Variants in ZFHX3 observed in about 807,000 individuals in gnomAD.
The protein encoded by ZFHX3 is zinc finger homeobox protein 3.
Under a neutral mutation model 279.1 loss-of-function variants are expected in ZFHX3, and 42 were observed. The ratio of observed to expected loss-of-function variants is 0.15; its 90% CI spans 0.12 to 0.19. The LOEUF (loss-of-function observed/expected upper bound fraction) is 0.19. Among genes scored for constraint, ZFHX3 ranks in the 10% least tolerant of loss-of-function variants. The probability of loss-of-function intolerance (pLI) is 1.00; values close to 1 mark genes in which losing one functional copy is unlikely to be tolerated. For synonymous variants in ZFHX3, 2,293 were observed against 1,957.8 expected (o/e 1.17, Z -4.52); for missense variants, 4,981 against 4,754.0 (o/e 1.05, Z -1.40).
intron 3 of ZFHX3, among the ~76,000 whole-genome samples, chr16:73,371,607 G>A (rs8063705): frequency 1.3e-5 from 2 of 151,776 alleles, no homozygotes; most frequent in Non-Finnish European, 2.9e-5. Context: ...CTGGTGCACC[G>A]GGTGTACCCC....
intron 1 of ZFHX3, among the ~76,000 whole-genome samples, chr16:73,807,816 T>C (rs1960321930): frequency 6.6e-6 from 1 of 151,634 alleles, no homozygotes; most frequent in Non-Finnish European, 1.5e-5. Context: ...ACCCACCCAT[T>C]CACGCGGGAC....
At chr16:73,310,638 A>G (rs566193423) in intron 4 of ZFHX3, among the ~76,000 whole-genome samples, 30 of 152,346 alleles carry the variant, frequency 2.0e-4, no homozygotes, top group Non-Finnish European at 4.3e-4. Flanking sequence ...ACAACAACGA[A>G]TTATCCAGTC....
At chr16:73,765,485 T>C (rs2053922052) in intron 1 of ZFHX3, among the ~76,000 whole-genome samples, 1 of 152,202 alleles carries the variant, frequency 6.6e-6, no homozygotes, top group Non-Finnish European at 1.5e-5. Context: ...ATAGAAAGAA[T>C]TGTGAGGCTA....
Position 72,795,852 on chromosome 16 carries a change from T to A in ZFHX3, c.6830A>T (p.Asn2277Ile). 1 of 1,614,190 alleles carries A rather than the reference T, an allele frequency of 6.2e-7. No individual in the cohort carries two copies. Among genetic ancestry groups the A allele is most frequent in the Non-Finnish European group, 8.5e-7 (1 of 1,180,026 alleles). The change falls in exon 9 of 10, where the codon AAT (asparagine) becomes ATT (isoleucine). Residue 2277 changes from asparagine to isoleucine, a missense_variant. This residue lies in a region of ZFHX3 where 177 missense variants were observed against 244.2 expected (regional missense o/e 0.72). Coordinates refer to ENST00000268489, the MANE Select transcript of ZFHX3 (RefSeq NM_006885.4). ...CACTCGGGTTGGAAGGTTCAGTAAA[T>A]TAGAGAGTTGCTCAAATTCATCATC... The part of the protein sequence containing the change: ...PKDDEFEQLS[N>I]LLNLPTRVIV...
chr16:72,992,830 C>A (rs1275358535), intron 1 of ZFHX3, among the ~76,000 whole-genome samples: 1 of 152,176 alleles, frequency 6.6e-6, no homozygotes, highest in African/African-American at 2.4e-5. Context: ...AAAGAGCCTT[C>A]GAGGGGCATC....
chr16:73,234,331 TA>T (rs1195751284), intron 5 of ZFHX3, among the ~76,000 whole-genome samples: 1 of 152,196 alleles, frequency 6.6e-6, no homozygotes, highest in Non-Finnish European at 1.5e-5. Context: ...TCACAATCAG[TA>T]AATGGCTGTC....
At chr16:73,077,475 A>G (rs186409266) in intron 8 of ZFHX3, among the ~76,000 whole-genome samples, 1 of 152,156 alleles carries the variant, frequency 6.6e-6, no homozygotes, top group Non-Finnish European at 1.5e-5. Flanking sequence ...GTTGTTAAAA[A>G]TGAAGTGACT....
At chr16:72,875,970 T>G (rs2038300871) in intron 4 of ZFHX3, among the ~76,000 whole-genome samples, 1 of 152,190 alleles carries the variant, frequency 6.6e-6, no homozygotes, top group Admixed American at 6.5e-5. Flanking sequence ...ATTGAATTAA[T>G]GTTGAAATGA....
chr16:72,843,366 C>T (rs918248465), intron 4 of ZFHX3, among the ~76,000 whole-genome samples: 2 of 151,948 alleles, frequency 1.3e-5, no homozygotes, highest in African/African-American at 4.8e-5. Context: ...AAAAAATTAG[C>T]CGGGCGTGGT....
intron 5 of ZFHX3, among the ~76,000 whole-genome samples, chr16:73,221,269 A>C (rs1483757958): frequency 3.3e-5 from 5 of 152,194 alleles, no homozygotes; most frequent in Admixed American, 3.3e-4. Context: ...GTAAACTGCA[A>C]AAAAATACAA....
chr16:73,193,387 C>G (rs1281592009), intron 5 of ZFHX3, among the ~76,000 whole-genome samples: 1 of 152,154 alleles, frequency 6.6e-6, no homozygotes, highest in Non-Finnish European at 1.5e-5. Context: ...GGTGAACTGC[C>G]AACAGAAAGT....
chr16:72,925,610 G>A (rs745755144), intron 3 of ZFHX3, among the ~76,000 whole-genome samples: 1 of 152,240 alleles, frequency 6.6e-6, no homozygotes, highest in East Asian at 1.9e-4. Flanking sequence ...CCCGTCCCGT[G>A]TCTTTCCCTT....
chr16:73,716,654 TGCAC>T (rs2053419112), intron 1 of ZFHX3, among the ~76,000 whole-genome samples: 1 of 92,938 alleles, frequency 1.1e-5, no homozygotes, highest in Non-Finnish European at 2.5e-5. Flanking sequence ...CACACACGCA[TGCAC>T]GCACGCACAG....
At position 72,796,953 on chromosome 16, in the gene ZFHX3, G is replaced by C. The variant is rs146727119; in HGVS notation, c.5729C>G (p.Pro1910Arg). The change falls in exon 9 of 10, where the codon CCA (proline) becomes CGA (arginine). Residue 1910 changes from proline to arginine, a missense_variant. Pro to Arg is a moderately radical substitution (Grantham distance 103, BLOSUM62 -2). Transcript: ENST00000268489. ...EGNTGPKETL[P>R]DALKAKEKKE... ...CTTCTCTTTGGCCTTCAAGGCATCT[G>C]GCAGTGTTTCCTTCGGACCGGTGTT... The C allele has an allele frequency of 6.2e-6, 10 of 1,613,868 alleles. No individual in the cohort carries two copies. The highest frequency in any genetic ancestry group is 1.7e-5 in the Admixed American group (1 of 59,986).
intron 3 of ZFHX3, among the ~76,000 whole-genome samples, chr16:73,343,701 A>C (rs188927181): frequency 7.2e-5 from 11 of 152,208 alleles, no homozygotes; most frequent in African/African-American, 2.7e-4. Context: ...CCTGGGCAAC[A>C]GAGTGAGATC....
intron 1 of ZFHX3, among the ~76,000 whole-genome samples, chr16:73,814,855 T>C (rs1167800285): frequency 6.6e-6 from 1 of 152,002 alleles, no homozygotes; most frequent in Non-Finnish European, 1.5e-5. Context: ...GGAGTGAGCC[T>C]TTCACACCCA....
intron 4 of ZFHX3, among the ~76,000 whole-genome samples, chr16:72,849,463 G>A (rs888132045): frequency 2.6e-5 from 4 of 151,966 alleles, no homozygotes; most frequent in Non-Finnish European, 4.4e-5. Context: ...ATGAGGCCAC[G>A]ATCCTGCCAA....
intron 8 of ZFHX3, among the ~76,000 whole-genome samples, chr16:73,070,296 G>A (rs573784478): frequency 3.9e-5 from 6 of 152,092 alleles, no homozygotes; most frequent in South Asian, 2.1e-4. Context: ...AACTGCGGCC[G>A]TGCAATTCAT....
intron 4 of ZFHX3, among the ~76,000 whole-genome samples, chr16:73,285,088 ATTC>A (rs1215479925): frequency 4.6e-5 from 7 of 152,314 alleles, no homozygotes; most frequent in East Asian, 1.9e-4. Flanking sequence ...GTGTAAAAGA[ATTC>A]TTCTTTACAA....
Sources: gnomAD v4.1 joint callset for allele counts (sites outside exome capture counted in the v4.1 genomes callset) on GRCh38, gnomAD v4.1.1 for gene constraint, gnomAD v4.1.1 regional missense constraint, MANE v1.5 for transcripts, NCBI Gene and HGNC (gene_info 2026-07-23, HGNC 2026-07-21) for gene names.